ANTXR2: variants seen among roughly 807,000 people sequenced by gnomAD.
The protein encoded by ANTXR2 is ANTXR cell adhesion molecule 2.
Under a neutral mutation model 73.7 loss-of-function variants are expected in ANTXR2, and 44 were observed. The observed-to-expected ratio is 0.60, with a 90% CI of 0.47 to 0.77. The LOEUF (loss-of-function observed/expected upper bound fraction) is 0.77. Among genes scored for constraint, ANTXR2 ranks in the 30% least tolerant of loss-of-function variants. The pLI is 0.00. For missense variants in ANTXR2, 604 were observed against 592.5 expected, an observed-to-expected ratio of 1.02 and a Z score of -0.20; for synonymous variants, 217 against 205.9, an observed-to-expected ratio of 1.05 and a Z score of -0.46.
intron 16 of ANTXR2, among the ~76,000 whole-genome samples, chr4:79,936,571 C>T (rs1728270416): frequency 6.6e-6 from 1 of 151,952 alleles, no homozygotes; most frequent in Non-Finnish European, 1.5e-5. Flanking sequence ...AGGTATAATT[C>T]CTGATGGGAG....
At position 79,907,348 on chromosome 4, in the gene ANTXR2, C is replaced by A; in HGVS notation, c.*81G>T. The A allele has an allele frequency of 6.8e-7, 1 of 1,474,906 alleles. No homozygotes were observed. The allele number at this position is 1,474,906 out of a possible 1,614,324, so 91.4% of individuals were successfully genotyped here. Reference sequence around the variant, plus strand: ...CTCTTCCAAAAGCTTCTGAAATGCACTTGATTTTTTTCATTTGGTTGAAAA... The same window carrying A: ...CTCTTCCAAAAGCTTCTGAAATGCAATTGATTTTTTTCATTTGGTTGAAAA... On this transcript the variant is annotated 3_prime_UTR_variant, in exon 17 of 17. Transcript: ENST00000403729.
chr4:79,926,979 G>C (rs62297559), intron 16 of ANTXR2, among the ~76,000 whole-genome samples: 1 of 43,730 alleles, frequency 2.3e-5, no homozygotes, highest in African/African-American at 4.3e-5. Context: ...GTATATATAC[G>C]TGTGCATATA....
intron 10 of ANTXR2, among the ~76,000 whole-genome samples, 156 bp from the exon 11 acceptor site, chr4:80,019,132 C>G (rs986968049): frequency 6.6e-6 from 1 of 152,148 alleles, no homozygotes; most frequent in African/African-American, 2.4e-5. Flanking sequence ...ACCTCGGCCT[C>G]CCAAAGTCCT....
chr4:80,018,321 G>T (rs536691810), intron 11 of ANTXR2, among the ~76,000 whole-genome samples: 5 of 152,150 alleles, frequency 3.3e-5, no homozygotes, highest in African/African-American at 9.7e-5. Context: ...GGAAGAAAAT[G>T]TCTACTGAAT....
intron 11 of ANTXR2, among the ~76,000 whole-genome samples, chr4:80,013,426 G>T (rs928800831): frequency 6.6e-6 from 1 of 152,144 alleles, no homozygotes; most frequent in Non-Finnish European, 1.5e-5. Flanking sequence ...AGTTCCTAAG[G>T]CCTCAATAGG....
intron 16 of ANTXR2, chr4:79,965,195 T>C (rs1013194743): frequency 6.6e-6 from 1 of 152,174 alleles, no homozygotes; most frequent in African/African-American, 2.4e-5. Context: ...GCTGATTTGT[T>C]TATACAACTA....
In ANTXR2 at chr4:80,033,633, G is replaced by A. The variant is rs1178874034; in HGVS notation, c.698-63C>T. The A allele has an allele frequency of 2.4e-6, 3 of 1,265,122 alleles. No homozygotes were observed. The Admixed American group carries it at 7.7e-5, about 33-fold the overall frequency. The allele number at this position is 1,265,122 out of a possible 1,614,324, so 78.4% of individuals were successfully genotyped here. A position where few individuals can be genotyped will look rare whatever the true frequency, so the allele number is the denominator to read the frequency against. On this transcript the variant is annotated intron_variant, in intron 8 of 16. Coordinates refer to ENST00000403729, the MANE Select transcript of ANTXR2 (RefSeq NM_058172.6). ...TTTACCAAAAAAATAAAAAACACAA[G>A]CTGAAATGAAAGTATTAAGGTGCAA...
intron 16 of ANTXR2, among the ~76,000 whole-genome samples, chr4:79,925,192 A>G (rs1454751392): frequency 6.6e-6 from 1 of 152,092 alleles, no homozygotes; most frequent in Non-Finnish European, 1.5e-5. Context: ...TTCTTCTGAC[A>G]ACATCAATGC....
chr4:79,952,654 C>A (rs932149274), intron 16 of ANTXR2, among the ~76,000 whole-genome samples: 16 of 151,520 alleles, frequency 1.1e-4, no homozygotes, highest in African/African-American at 3.9e-4. Flanking sequence ...TTAATTAATC[C>A]AAAATTTCAC....
At chr4:79,976,061 C>T (rs1034965639) in intron 16 of ANTXR2, among the ~76,000 whole-genome samples, 1 of 151,990 alleles carries the variant, frequency 6.6e-6, no homozygotes, top group Non-Finnish European at 1.5e-5. Flanking sequence ...TACAGGCGCC[C>T]GCCACCACGC....
At chr4:79,922,609 A>G (rs910823980) in intron 16 of ANTXR2, among the ~76,000 whole-genome samples, 5 of 152,128 alleles carry the variant, frequency 3.3e-5, no homozygotes, top group Non-Finnish European at 7.4e-5. Flanking sequence ...ACTAAAAACT[A>G]ATATGTATTA....
chr4:80,011,934 G>C (rs4361327), intron 11 of ANTXR2, among the ~76,000 whole-genome samples: 112,632 of 152,106 alleles, frequency 0.74, 42,062 homozygotes, highest in East Asian at 0.94. Context: ...GCAAGTTATA[G>C]AATAAAAAAC....
At chr4:80,033,034 G>T (rs1732773284) in intron 9 of ANTXR2, among the ~76,000 whole-genome samples, 1 of 151,852 alleles carries the variant, frequency 6.6e-6, no homozygotes, top group Non-Finnish European at 1.5e-5. Context: ...GAACAAGTAG[G>T]AGAGAAGCTG....
rs546271060 is a variant in ANTXR2 at position 79,920,407 on chromosome 4, A to G, written c.1429-12940T>C. Among the ~76,000 whole-genome samples, 6 of 152,254 alleles carry G rather than the reference A, an allele frequency of 3.9e-5. No homozygotes were observed. The South Asian group carries it at 1.2e-3, about 32-fold the overall frequency. ...ATCTTGGTATCATTAAACATGTAAC[A>G]TCTTATGTGATGCAATGTAAAGTAC... On this transcript the variant is annotated intron_variant, in intron 16 of 16. Coordinates refer to ENST00000403729, the MANE Select transcript of ANTXR2 (RefSeq NM_058172.6).
rs2109920597 is a variant in ANTXR2, at chr4:79,905,698, G to T, written c.*1731C>A. ...TATATGTATAGAAAATTATATATTT[G>T]TGTGTGTGTGTAAGGCCTCTTGGAA... On this transcript the variant is annotated 3_prime_UTR_variant, in exon 17 of 17. Transcript: ENST00000403729. 1 of 152,198 alleles carries T rather than the reference G, an allele frequency of 6.6e-6. No homozygotes were observed. Among genetic ancestry groups the T allele is most frequent in the African/African-American group, 2.4e-5 (1 of 41,470 alleles). 9.4% of individuals were successfully genotyped at this position (152,198 alleles called of 1,614,324 possible).
chr4:79,986,724 C>A (rs1730182471), intron 12 of ANTXR2, among the ~76,000 whole-genome samples: 2 of 152,142 alleles, frequency 1.3e-5, no homozygotes. Context: ...ACAACCAGAG[C>A]ACTTTTGTCA....
intron 12 of ANTXR2, among the ~76,000 whole-genome samples, chr4:80,002,003 C>G: frequency 6.6e-6 from 1 of 152,004 alleles, no homozygotes; most frequent in Non-Finnish European, 1.5e-5. Context: ...TTTATAGATT[C>G]AATGCCATCC....
intron 3 of ANTXR2, among the ~76,000 whole-genome samples, chr4:80,064,605 T>C (rs13115168): frequency 6.6e-6 from 1 of 152,168 alleles, no homozygotes; most frequent in Non-Finnish European, 1.5e-5. Flanking sequence ...AAGAGATTAC[T>C]GGGGAGGAGA....
At chr4:80,062,697 C>T (rs914291861) in intron 3 of ANTXR2, among the ~76,000 whole-genome samples, 3 of 152,160 alleles carry the variant, frequency 2.0e-5, no homozygotes, top group South Asian at 2.1e-4. Context: ...TAGGGAATGA[C>T]GATGTTTTTG....
Sources: gnomAD v4.1 joint callset for allele counts (sites outside exome capture counted in the v4.1 genomes callset) on GRCh38, gnomAD v4.1.1 for gene constraint, MANE v1.5 for transcripts, NCBI Gene and HGNC (gene_info 2026-07-23, HGNC 2026-07-21) for gene names.